The following CTNNA3 variants were observed in gnomAD, a reference collection of about 807,000 sequenced individuals.
The protein encoded by CTNNA3 is catenin alpha 3, also known as catenin alpha-3.
In CTNNA3, 76 loss-of-function variants were observed where a neutral mutation model predicts 95.7. That is an observed-to-expected ratio of 0.79 (90% CI 0.66 to 0.96). The LOEUF is 0.96. CTNNA3 is among the 40% of genes least tolerant of loss of function. CTNNA3 has a pLI of 0.00. For synonymous variants in CTNNA3, 431 were observed against 374.4 expected (o/e 1.15, Z -1.74); for missense variants, 1,191 against 1,089.8 (o/e 1.09, Z -1.31).
At chr10:67,610,601 C>G (rs1223712203) in intron 2 of CTNNA3, among the ~76,000 whole-genome samples, 1 of 152,200 alleles carries the variant, frequency 6.6e-6, no homozygotes, top group East Asian at 1.9e-4. Flanking sequence ...AGATGATTCT[C>G]ACCAAGGCGG....
At chr10:66,245,847 C>T (rs1015212667) in intron 13 of CTNNA3, among the ~76,000 whole-genome samples, 8 of 152,238 alleles carry the variant, frequency 5.3e-5, no homozygotes, top group African/African-American at 1.9e-4. Flanking sequence ...CTCCCACTCT[C>T]AGCAGAGAAG....
intron 11 of CTNNA3, among the ~76,000 whole-genome samples, chr10:66,386,413 G>A (rs576103971): frequency 6.6e-6 from 1 of 152,244 alleles, no homozygotes; most frequent in Admixed American, 6.5e-5. Context: ...ACTTCAAGGA[G>A]AGCTACAAAC....
intron 11 of CTNNA3, among the ~76,000 whole-genome samples, chr10:66,382,316 C>T (rs1214919168): frequency 2.0e-5 from 3 of 152,156 alleles, no homozygotes; most frequent in Non-Finnish European, 2.9e-5. Flanking sequence ...GCCCATGGAG[C>T]CTTGCTCACT....
intron 12 of CTNNA3, among the ~76,000 whole-genome samples, chr10:66,360,765 TTCCTTTTCTTTC>T (rs1239712074): frequency 1.8e-5 from 2 of 108,742 alleles, no homozygotes; most frequent in Admixed American, 1.0e-4. Context: ...CCTTCCTTCC[TTCCTTTTCTTTC>T]TTTCTTTCTT....
At chr10:66,011,094 C>T (rs1266665005) in intron 15 of CTNNA3, among the ~76,000 whole-genome samples, 2 of 152,188 alleles carry the variant, frequency 1.3e-5, no homozygotes, top group Non-Finnish European at 2.9e-5. Flanking sequence ...CCTCATCCCT[C>T]ACTTGACCTA....
intron 7 of CTNNA3, among the ~76,000 whole-genome samples, chr10:66,937,510 C>T (rs1313911384): frequency 2.6e-5 from 4 of 152,114 alleles, no homozygotes; most frequent in Non-Finnish European, 4.4e-5. Context: ...TCATATTACA[C>T]TACCTATTTT....
At chr10:66,534,902 T>A (rs1353752371) in intron 10 of CTNNA3, among the ~76,000 whole-genome samples, 1 of 152,046 alleles carries the variant, frequency 6.6e-6, no homozygotes, top group African/African-American at 2.4e-5. Context: ...AAAAGCATGT[T>A]TTCTCATTAA....
chr10:67,353,213 C>CA (rs1027550032), intron 5 of CTNNA3, among the ~76,000 whole-genome samples: 17 of 151,976 alleles, frequency 1.1e-4, no homozygotes, highest in African/African-American at 3.9e-4. Context: ...GATTAGGTGC[C>CA]ATACAAGACT....
At chr10:66,650,982 A>T (rs1465796330) in intron 9 of CTNNA3, among the ~76,000 whole-genome samples, 2 of 152,074 alleles carry the variant, frequency 1.3e-5, no homozygotes, top group African/African-American at 4.8e-5. Context: ...GACCCCACCC[A>T]CATCCTGTTG....
chr10:67,094,732 T>C (rs2131922459), intron 7 of CTNNA3, among the ~76,000 whole-genome samples: 1 of 151,882 alleles, frequency 6.6e-6, no homozygotes, highest in South Asian at 2.1e-4. Context: ...AAAATTATCT[T>C]ACTTGACATT....
intron 7 of CTNNA3, among the ~76,000 whole-genome samples, chr10:66,858,903 C>T (rs559982868): frequency 6.6e-6 from 1 of 151,894 alleles, no homozygotes; most frequent in African/African-American, 2.4e-5. Context: ...TCTGATTTTG[C>T]TTATTTCTTA....
intron 15 of CTNNA3, among the ~76,000 whole-genome samples, chr10:66,066,252 C>T (rs1202932645): frequency 6.6e-6 from 1 of 152,032 alleles, no homozygotes; most frequent in Non-Finnish European, 1.5e-5. Context: ...TTTAAATCAG[C>T]AACAAATTAT....
chr10:66,435,348 A>G (rs1295935675), intron 11 of CTNNA3, among the ~76,000 whole-genome samples: 4 of 152,072 alleles, frequency 2.6e-5, no homozygotes, highest in Admixed American at 6.5e-5. Context: ...CTGTTCAGAG[A>G]TTCGACTTTT....
At chr10:66,077,140 C>A (rs2080580845) in intron 14 of CTNNA3, among the ~76,000 whole-genome samples, 1 of 151,534 alleles carries the variant, frequency 6.6e-6, no homozygotes, top group African/African-American at 2.4e-5. Context: ...TTGGGATATT[C>A]CTGCTGAAAT....
At chr10:66,617,453 CA>C in intron 10 of CTNNA3, among the ~76,000 whole-genome samples, 1 of 152,208 alleles carries the variant, frequency 6.6e-6, no homozygotes, top group East Asian at 1.9e-4. Context: ...GAACCAAAGA[CA>C]AAAACCACAT....
chr10:66,331,447 G>A lies in CTNNA3; in HGVS notation c.1732+47705C>T, dbSNP rs572969966. ...CGACTCACTGCAAGCTCCGCCTCCC[G>A]GGTTCACGCCATTCTCCTGCCTCAG... On this transcript the variant is annotated intron_variant, in intron 12 of 17. Coordinates refer to ENST00000433211, the MANE Select transcript of CTNNA3 (RefSeq NM_013266.4). Among the ~76,000 whole-genome samples, 10 of 143,510 alleles carry A rather than the reference G, an allele frequency of 7.0e-5. No individual in the cohort carries two copies. The East Asian group carries it at 8.4e-4, about 12-fold the overall frequency. 94.1% of individuals were successfully genotyped at this position (143,510 alleles called of 152,430 possible). A position where few individuals can be genotyped will look rare whatever the true frequency, so the allele number is the denominator to read the frequency against.
At chr10:66,401,966 AT>A (rs944825645) in intron 11 of CTNNA3, among the ~76,000 whole-genome samples, 3 of 151,878 alleles carry the variant, frequency 2.0e-5, no homozygotes, top group Non-Finnish European at 4.4e-5. Flanking sequence ...GGCCTCTTTT[AT>A]TTTTTAGTGG....
intron 10 of CTNNA3, among the ~76,000 whole-genome samples, chr10:66,588,172 G>T (rs1021676776): frequency 6.6e-6 from 1 of 152,052 alleles, no homozygotes; most frequent in Non-Finnish European, 1.5e-5. Flanking sequence ...GCACTGGGTA[G>T]TGTTAAGATC....
chr10:67,468,691 C>T (rs1020545695), intron 5 of CTNNA3, among the ~76,000 whole-genome samples: 1 of 152,114 alleles, frequency 6.6e-6, no homozygotes, highest in African/African-American at 2.4e-5. Context: ...TTCTCTCTTT[C>T]CCCTTTTACT....
Sources: allele counts gnomAD v4.1 joint callset (sites outside exome capture counted in the v4.1 genomes callset), GRCh38; gene constraint gnomAD v4.1.1; transcripts MANE v1.5; gene names NCBI Gene and HGNC (gene_info 2026-07-23, HGNC 2026-07-21).